The following TGM6 variants were observed in gnomAD, a reference collection of about 807,000 sequenced individuals.
TGM6 encodes the protein protein-glutamine gamma-glutamyltransferase 6.
A neutral mutation model predicts 77.5 loss-of-function variants in TGM6; 74 were observed. The observed-to-expected ratio is 0.96, with a 90% CI of 0.79 to 1.16. The LOEUF (loss-of-function observed/expected upper bound fraction) is 1.16, where lower values mean the gene tolerates loss of function less well. TGM6 is among the 50% of genes most tolerant of loss of function. The probability of loss-of-function intolerance (pLI) is 0.00; values close to 1 mark genes in which losing one functional copy is unlikely to be tolerated. For missense variants in TGM6, 968 were observed against 940.2 expected, an observed-to-expected ratio of 1.03 and a Z score of -0.39; for synonymous variants, 383 against 378.9, an observed-to-expected ratio of 1.01 and a Z score of -0.12.
chr20:2,382,288 C>T (rs987327225), intron 1 of TGM6, among the ~76,000 whole-genome samples: 8 of 152,194 alleles, frequency 5.3e-5, no homozygotes, highest in Middle Eastern at 6.3e-3. Context: ...GCCTTGCCAA[C>T]ACCAGCTCAC....
chr20:2,398,666 A>T (rs1378041343), intron 5 of TGM6, among the ~76,000 whole-genome samples: 1 of 151,208 alleles, frequency 6.6e-6, no homozygotes. Flanking sequence ...CATCAATTCC[A>T]CCATAGTCAG....
intron 9 of TGM6, among the ~76,000 whole-genome samples, chr20:2,406,208 C>CTG (rs1316840431): frequency 6.6e-6 from 1 of 152,184 alleles, no homozygotes; most frequent in East Asian, 1.9e-4. Context: ...AAGGCCTCTT[C>CTG]TGAGCTGCCA....
intron 9 of TGM6, among the ~76,000 whole-genome samples, chr20:2,408,372 C>T (rs1270832632): frequency 6.6e-6 from 1 of 152,158 alleles, no homozygotes; most frequent in South Asian, 2.1e-4. Flanking sequence ...GACTTCACCC[C>T]AAACTTTTGC....
chr20:2,417,703 CT>C, intron 10 of TGM6, 130 bp downstream of exon 10: 1 of 1,087,032 alleles, frequency 9.2e-7, no homozygotes. Flanking sequence ...GAGCATTGTG[CT>C]CAGTGCCTTG....
Position 2,390,446 on chromosome 20 carries a change from C to A in TGM6, c.8-4006C>A, listed in dbSNP as rs186275121. ...GCCAGGATGCCCACAGACTCCACTC[C>A]AGCCCTTGCTTGTTTGTGTGCCCTT... On this transcript the variant is annotated intron_variant, in intron 1 of 12. Coordinates refer to ENST00000202625, the MANE Select transcript of TGM6 (RefSeq NM_198994.3). 1.8e-3 allele frequency among the ~76,000 whole-genome samples: 276 copies of A among 152,352 alleles called. 2 individuals carry two copies. Among genetic ancestry groups the A allele is most frequent in the Non-Finnish European group, 9.1e-4 (62 of 68,036 alleles).
intron 1 of TGM6, among the ~76,000 whole-genome samples, chr20:2,382,094 T>C (rs1046606876): frequency 6.6e-6 from 1 of 152,220 alleles, no homozygotes; most frequent in Non-Finnish European, 1.5e-5. Flanking sequence ...GTCTGCCAGT[T>C]TTAATTGTTC....
intron 9 of TGM6, among the ~76,000 whole-genome samples, chr20:2,410,844 A>G (rs1164484637): frequency 6.6e-6 from 1 of 152,202 alleles, no homozygotes; most frequent in Non-Finnish European, 1.5e-5. Flanking sequence ...AACATATTAG[A>G]TAACTTTAGA....
intron 9 of TGM6, among the ~76,000 whole-genome samples, chr20:2,408,361 T>C (rs985259199): frequency 1.3e-5 from 2 of 152,202 alleles, no homozygotes; most frequent in Non-Finnish European, 2.9e-5. Flanking sequence ...AAGGACCTGC[T>C]GACTTCACCC....
intron 10 of TGM6, among the ~76,000 whole-genome samples, chr20:2,425,744 A>G (rs6048870): frequency 0.22 from 33,956 of 152,128 alleles, 3,991 homozygotes; most frequent in South Asian, 0.3. Context: ...TATATTAGTA[A>G]TACATATTTT....
chr20:2,423,226 A>G (rs1233230717), intron 10 of TGM6, among the ~76,000 whole-genome samples: 1 of 151,904 alleles, frequency 6.6e-6, no homozygotes, highest in Admixed American at 6.6e-5. Flanking sequence ...AATTCGCCAC[A>G]TTGAATGACT....
chr20:2,404,519 C>T (rs2084736544), intron 9 of TGM6, among the ~76,000 whole-genome samples: 1 of 152,162 alleles, frequency 6.6e-6, no homozygotes, highest in African/African-American at 2.4e-5. Flanking sequence ...CCTCCTGTCC[C>T]CTGAGCACAA....
At chr20:2,382,133 A>G (rs1031988672) in intron 1 of TGM6, among the ~76,000 whole-genome samples, 6 of 152,196 alleles carry the variant, frequency 3.9e-5, no homozygotes, top group Admixed American at 1.3e-4. Context: ...TATGAATCAA[A>G]TATTTTTTTA....
At chr20:2,399,063 T>C (rs1304813331) in intron 5 of TGM6, among the ~76,000 whole-genome samples, 1 of 151,164 alleles carries the variant, frequency 6.6e-6, no homozygotes, top group Non-Finnish European at 1.5e-5. Context: ...CCTAGACTCA[T>C]GGATCACCAC....
At chr20:2,398,874 T>A (rs1385028623) in intron 5 of TGM6, among the ~76,000 whole-genome samples, 1 of 152,180 alleles carries the variant, frequency 6.6e-6, no homozygotes, top group Non-Finnish European at 1.5e-5. Context: ...AGTGGGTGGG[T>A]ATCTGAGATT....
intron 10 of TGM6, among the ~76,000 whole-genome samples, chr20:2,418,576 C>G (rs1395082114): frequency 6.6e-6 from 1 of 152,158 alleles, no homozygotes; most frequent in African/African-American, 2.4e-5. Flanking sequence ...GGAACGTTGA[C>G]CACAGTGCAC....
At chr20:2,413,218 G>C (rs191937492) in intron 9 of TGM6, among the ~76,000 whole-genome samples, 4 of 152,198 alleles carry the variant, frequency 2.6e-5, no homozygotes, top group African/African-American at 9.6e-5. Context: ...CTCCCTTCAG[G>C]CCAGCTGGGC....
chr20:2,426,402 TTTG>T (rs1472915097), intron 10 of TGM6, among the ~76,000 whole-genome samples: 1 of 152,182 alleles, frequency 6.6e-6, no homozygotes, highest in African/African-American at 2.4e-5. Context: ...GGATTTTTTG[TTTG>T]TTGTTGTTGA....
At chr20:2,420,030 G>T (rs538083573) in intron 10 of TGM6, among the ~76,000 whole-genome samples, 6 of 152,240 alleles carry the variant, frequency 3.9e-5, no homozygotes, top group African/African-American at 7.2e-5. Context: ...GGATCACGAG[G>T]TCAGGAGATG....
At chr20:2,405,809 G>A (rs749089238) in intron 9 of TGM6, among the ~76,000 whole-genome samples, 6 of 152,226 alleles carry the variant, frequency 3.9e-5, no homozygotes, top group Non-Finnish European at 8.8e-5. Context: ...CCCACTCCAA[G>A]GCTGGGAACT....
Sources: allele counts gnomAD v4.1 joint callset (sites outside exome capture counted in the v4.1 genomes callset), GRCh38; gene constraint gnomAD v4.1.1; transcripts MANE v1.5; gene names NCBI Gene and HGNC (gene_info 2026-07-23, HGNC 2026-07-21).